DGKK: variants seen among roughly 807,000 people sequenced by gnomAD.
The protein encoded by DGKK is diacylglycerol kinase kappa, also known as 142 kDa diacylglycerol kinase.
In DGKK, 35 loss-of-function variants were observed where a neutral mutation model predicts 92.2. The ratio of observed to expected loss-of-function variants is 0.38; its 90% confidence interval spans 0.29 to 0.50. DGKK has a LOEUF of 0.50. Among genes scored for constraint, DGKK ranks in the 20% least tolerant of loss-of-function variants. The pLI is 0.92. For missense variants in DGKK, 910 were observed against 992.2 expected (o/e 0.92, Z 1.11); for synonymous variants, 368 against 360.6 (o/e 1.02, Z -0.23).
intron 1 of DGKK, among the ~76,000 whole-genome samples, chrX:50,437,372 A>G (rs1926056977): frequency 9.0e-6 from 1 of 110,674 alleles, no homozygotes; most frequent in Non-Finnish European, 1.9e-5. Context: ...AGGCAAAAAC[A>G]CCATCCAGAT....
At chrX:50,427,243 C>T (rs1390498152) in intron 1 of DGKK, among the ~76,000 whole-genome samples, 1 of 110,765 alleles carries the variant, frequency 9.0e-6, no homozygotes, top group Non-Finnish European at 1.9e-5. Flanking sequence ...TAAAAGAAGT[C>T]AATCTGAAAA....
rs1164494193 is a variant in DGKK at position 50,442,980 on chromosome X, C to A, written c.646-18622G>T. Among the ~76,000 whole-genome samples the A allele has an allele frequency of 1.8e-4, 20 of 111,642 alleles. No homozygotes were observed. The Admixed American group carries it at 1.9e-3, about 11-fold the overall frequency. On this transcript the variant is annotated intron_variant, in intron 1 of 27. Coordinates refer to ENST00000611977, the MANE Select transcript of DGKK (RefSeq NM_001013742.4). ...GCTTCTCCAACATGGCCACTTACTT[C>A]ATGGCTGCTTATTTCTACAAAGCCA... is the stretch of plus-strand genomic sequence containing the variant.
chrX:50,418,460 C>T (rs1366470062), intron 4 of DGKK, among the ~76,000 whole-genome samples: 1 of 111,520 alleles, frequency 9.0e-6, no homozygotes, highest in Non-Finnish European at 1.9e-5. Context: ...ACTTTGTCAC[C>T]ACTTTAATAG....
chrX:50,459,535 A>G (rs1557233146), intron 1 of DGKK, among the ~76,000 whole-genome samples: 1 of 110,771 alleles, frequency 9.0e-6, no homozygotes, highest in East Asian at 2.9e-4. Flanking sequence ...ATAATAAGAA[A>G]GCCATGAAGA....
At chrX:50,469,401 C>T (rs1602311375) in intron 1 of DGKK, among the ~76,000 whole-genome samples, 1 of 112,971 alleles carries the variant, frequency 8.9e-6, no homozygotes, top group African/African-American at 3.2e-5. Context: ...TCCCCCTCCT[C>T]CCGGAGAACC....
Position 50,406,482 on chromosome X carries a change from C to T in DGKK, c.943-2298G>A, listed in dbSNP as rs782403338. Among the ~76,000 whole-genome samples the T allele has an allele frequency of 7.2e-5, 8 of 111,294 alleles. No individual in the cohort carries two copies. In the East Asian group the frequency reaches 1.7e-3, roughly 24 times the overall value. ...AAGATGAGGCCATAATGGATTAGAA[C>T]GGGCCCTAATCCAATGACTGGTATC... On this transcript the variant is annotated intron_variant, in intron 4 of 27. Coordinates refer to ENST00000611977, the MANE Select transcript of DGKK (RefSeq NM_001013742.4).
rs1055495007 is a variant in DGKK, at chrX:50,460,502, G to A, written c.645+9532C>T. On this transcript the variant is annotated intron_variant, in intron 1 of 27. Coordinates refer to ENST00000611977, the MANE Select transcript of DGKK (RefSeq NM_001013742.4). ...CTCTCAGTATCCTACACGTGCTTGA[G>A]GGAAACAAGGGGTAAGAATCCCTGT... Among the ~76,000 whole-genome samples the A allele has an allele frequency of 6.3e-5, 7 of 111,250 alleles. No individual in the cohort carries two copies. In the East Asian group the frequency reaches 1.4e-3, roughly 23 times the overall value.
chrX:50,419,239 T>C (rs190408904), intron 4 of DGKK, among the ~76,000 whole-genome samples: 1 of 111,926 alleles, frequency 8.9e-6, no homozygotes, highest in East Asian at 2.8e-4. Flanking sequence ...AGAGAGGCCT[T>C]AATGATATTG....
chrX:50,388,940 G>A (rs1053271398), intron 12 of DGKK, among the ~76,000 whole-genome samples: 1 of 111,859 alleles, frequency 8.9e-6, no homozygotes, highest in African/African-American at 3.3e-5. Flanking sequence ...AGCTGGATTC[G>A]AATCTACATC....
At chrX:50,406,185 G>A (rs782568894) in intron 4 of DGKK, among the ~76,000 whole-genome samples, 11 of 111,946 alleles carry the variant, frequency 9.8e-5, no homozygotes, top group Non-Finnish European at 2.1e-4. Context: ...AGCTCTGCCT[G>A]GGTATAATAT....
rs782107339 is a variant in DGKK, at chrX:50,408,006, T to C, written c.943-3822A>G. Among the ~76,000 whole-genome samples, 447 of 112,835 alleles carry C rather than the reference T, an allele frequency of 4.0e-3. 1 individual carries two copies. The highest frequency in any genetic ancestry group is 0.014 in the African/African-American group (430 of 31,101). ...CTCAGCTGTGAACATGTGTTATCCT[T>C]CAAGAAAATGGAAGAATGACTTCCA... On this transcript the variant is annotated intron_variant, in intron 4 of 27. Transcript: ENST00000611977.
At chrX:50,447,384 A>T (rs868949390) in intron 1 of DGKK, among the ~76,000 whole-genome samples, 148 of 11,610 alleles carry the variant, frequency 0.013, 10 homozygotes, top group African/African-American at 0.1. Context: ...TATATATATA[A>T]TATATATATA....
intron 1 of DGKK, among the ~76,000 whole-genome samples, chrX:50,467,639 A>C (rs1480615402): frequency 5.3e-5 from 6 of 112,637 alleles, no homozygotes; most frequent in Non-Finnish European, 7.5e-5. Context: ...TGCCTCGAGG[A>C]GGCAGTGTTT....
At chrX:50,415,602 C>T (rs1466754648) in intron 4 of DGKK, among the ~76,000 whole-genome samples, 2 of 112,002 alleles carry the variant, frequency 1.8e-5, no homozygotes, top group African/African-American at 3.2e-5. Context: ...AGTCCACCAT[C>T]GTAAGTTGGA....
intron 1 of DGKK, among the ~76,000 whole-genome samples, chrX:50,453,001 A>ATTATAAGCATTTTAAAAG (rs1291836664): frequency 2.7e-5 from 3 of 111,726 alleles, no homozygotes; most frequent in Non-Finnish European, 3.8e-5. Context: ...ATGAATCATC[A>ATTATAAGCATTTTAAAAG]TTATAAGCAT....
At chrX:50,437,753 T>C (rs1342544275) in intron 1 of DGKK, among the ~76,000 whole-genome samples, 3 of 111,186 alleles carry the variant, frequency 2.7e-5, no homozygotes, top group African/African-American at 9.8e-5. Context: ...GCATGTTGCA[T>C]TGGAGGGCTA....
intron 7 of DGKK, among the ~76,000 whole-genome samples, chrX:50,401,365 A>C (rs1397743661): frequency 2.7e-5 from 3 of 111,153 alleles, no homozygotes; most frequent in Non-Finnish European, 3.8e-5. Context: ...TTTCAAAGGT[A>C]GCTTTCAGAA....
At chrX:50,437,763 A>AG (rs1435840855) in intron 1 of DGKK, among the ~76,000 whole-genome samples, 3 of 111,639 alleles carry the variant, frequency 2.7e-5, no homozygotes, top group Non-Finnish European at 5.7e-5. Context: ...TTGGAGGGCT[A>AG]GAGGTGGCAG....
At chrX:50,389,424 C>A (rs1400080361) in intron 12 of DGKK, among the ~76,000 whole-genome samples, 2 of 112,114 alleles carry the variant, frequency 1.8e-5, no homozygotes, top group African/African-American at 3.2e-5. Flanking sequence ...TTTATTCCTT[C>A]AATTGTTTCT....
Sources: allele counts gnomAD v4.1 joint callset (sites outside exome capture counted in the v4.1 genomes callset), GRCh38; gene constraint gnomAD v4.1.1; transcripts MANE v1.5; gene names NCBI Gene and HGNC (gene_info 2026-07-23, HGNC 2026-07-21).